The following LARP4B variants were observed in gnomAD, a reference collection of about 807,000 sequenced individuals.
The protein encoded by LARP4B is la-related protein 4B.
Under a neutral mutation model 89.8 loss-of-function variants are expected in LARP4B, and 12 were observed. The observed-to-expected ratio is 0.13, with a 90% CI of 0.09 to 0.22. LARP4B has a LOEUF of 0.22. LARP4B is among the 10% of genes least tolerant of loss of function. LARP4B has a pLI of 1.00. For synonymous variants in LARP4B, 367 were observed against 363.3 expected (o/e 1.01, Z -0.12); for missense variants, 757 against 947.7 (o/e 0.80, Z 2.64).
At chr10:847,077 C>G (rs977765218) in intron 5 of LARP4B, among the ~76,000 whole-genome samples, 1 of 151,956 alleles carries the variant, frequency 6.6e-6, no homozygotes, top group African/African-American at 2.4e-5. Flanking sequence ...GGACTGGACT[C>G]AAGAGGGAAT....
chr10:820,270 T>C (rs1301074292), intron 14 of LARP4B: 1 of 153,106 alleles, frequency 6.5e-6, no homozygotes, highest in Non-Finnish European at 1.5e-5. Flanking sequence ...CCATGTCTCA[T>C]GTACTTACCG....
chr10:848,164 A>C (rs552211558), intron 5 of LARP4B, among the ~76,000 whole-genome samples: 2 of 151,894 alleles, frequency 1.3e-5, no homozygotes, highest in South Asian at 4.2e-4. Flanking sequence ...GAAATGGTTA[A>C]CCCTCCCCAC....
At chr10:844,323 T>C (rs78581411) in intron 6 of LARP4B, among the ~76,000 whole-genome samples, 184 of 152,324 alleles carry the variant, frequency 1.2e-3, no homozygotes, top group African/African-American at 3.9e-3. Flanking sequence ...TGGAACAGCA[T>C]GGGCATGGGG....
chr10:877,603 G>A (rs1321109725), intron 3 of LARP4B, among the ~76,000 whole-genome samples: 1 of 152,134 alleles, frequency 6.6e-6, no homozygotes, highest in African/African-American at 2.4e-5. Flanking sequence ...ACCTCTTTGT[G>A]TCTCAGTTTC....
Position 813,142 on chromosome 10 carries a change from T to C in LARP4B, c.2001A>G (p.Gln667=). 1 of 1,614,034 alleles carries C rather than the reference T, an allele frequency of 6.2e-7. No individual in the cohort carries two copies. The highest frequency in any genetic ancestry group is 8.5e-7 in the Non-Finnish European group (1 of 1,180,006). ...TSKEPPSSPL[Q]PQKEQKPNTV... is the part of the protein sequence containing the mutation. ...TGTTTGGCTTTTGTTCTTTTTGGGG[T>C]TGCAATGGGGAAGAAGGAGGCTCTT... Residue 667 remains glutamine (Q), a synonymous_variant, in exon 18 of 18, where the codon CAA becomes CAG. Transcript: ENST00000316157.
the LARP4B span, among the ~76,000 whole-genome samples, chr10:941,916 T>C: frequency 6.6e-6 from 1 of 152,062 alleles, no homozygotes; most frequent in Non-Finnish European, 1.5e-5. Context: ...CCTGGGATTA[T>C]AGGCTCAAAC....
the LARP4B span, among the ~76,000 whole-genome samples, chr10:974,609 C>G: frequency 6.6e-6 from 1 of 152,210 alleles, no homozygotes; most frequent in Non-Finnish European, 1.5e-5. Context: ...ATCTGGAAAG[C>G]ACTGCTCTGA....
rs1416845913 is a variant in LARP4B at position 931,445 on chromosome 10, C to G, written c.-57G>C. On this transcript the variant is annotated 5_prime_UTR_variant, in exon 1 of 18. Coordinates refer to ENST00000316157, the MANE Select transcript of LARP4B (RefSeq NM_015155.3). Reference sequence around the variant, plus strand: ...TGCCTCACCTGTCAGCGCCGCCGCCCCGCCCGACCGGCCGCCCGCGGGCTC... The same window carrying G: ...TGCCTCACCTGTCAGCGCCGCCGCCGCGCCCGACCGGCCGCCCGCGGGCTC... 6.8e-6 allele frequency: 1 copy of G among 147,974 alleles called. No individual in the cohort carries two copies. Among genetic ancestry groups the G allele is most frequent in the East Asian group, 2.0e-4 (1 of 5,084 alleles). The allele number at this position is 147,974 out of a possible 1,614,324, so 9.2% of individuals were successfully genotyped here. A position where few individuals can be genotyped will look rare whatever the true frequency, so the allele number is the denominator to read the frequency against.
intron 1 of LARP4B, among the ~76,000 whole-genome samples, chr10:903,032 C>T (rs149079835): frequency 6.6e-6 from 1 of 152,290 alleles, no homozygotes; most frequent in East Asian, 1.9e-4. Context: ...TTCTAACCTC[C>T]ATTTTTCTGT....
At chr10:851,160 C>T (rs1834027875) in intron 5 of LARP4B, among the ~76,000 whole-genome samples, 2 of 147,704 alleles carry the variant, frequency 1.4e-5, no homozygotes, top group South Asian at 2.1e-4. Flanking sequence ...TGAGAAAAAT[C>T]GATAAAATGA....
chr10:858,866 A>G (rs1004752799), intron 5 of LARP4B, among the ~76,000 whole-genome samples: 1 of 152,224 alleles, frequency 6.6e-6, no homozygotes, highest in Non-Finnish European at 1.5e-5. Context: ...AAAATCAGAA[A>G]ATAGGCTGGG....
chr10:857,018 T>TA (rs1834339557), intron 5 of LARP4B, among the ~76,000 whole-genome samples: 1 of 151,950 alleles, frequency 6.6e-6, no homozygotes, highest in Non-Finnish European at 1.5e-5. Context: ...CCAGGCCTCT[T>TA]ATGGAAGGCG....
In LARP4B at chr10:810,522, T is replaced by C. The variant is rs544368251; in HGVS notation, c.*2404A>G. On this transcript the variant is annotated 3_prime_UTR_variant, in exon 18 of 18. Coordinates refer to ENST00000316157, the MANE Select transcript of LARP4B (RefSeq NM_015155.3). Reference sequence around the variant, plus strand: ...CCTCATGCAGCTGTTGAGCTCCCACTTCGGTCGACAAAGTGAAGGACTAAG... The same window carrying C: ...CCTCATGCAGCTGTTGAGCTCCCACCTCGGTCGACAAAGTGAAGGACTAAG... 1 of 152,352 alleles carries C rather than the reference T, an allele frequency of 6.6e-6. No individual in the cohort carries two copies. Among genetic ancestry groups the C allele is most frequent in the South Asian group, 2.1e-4 (1 of 4,818 alleles). The allele number at this position is 152,352 out of a possible 1,614,324, so 9.4% of individuals were successfully genotyped here. A position where few individuals can be genotyped will look rare whatever the true frequency, so the allele number is the denominator to read the frequency against.
chr10:817,604 G>T, intron 15 of LARP4B, 121 bp downstream of exon 15: 1 of 943,242 alleles, frequency 1.1e-6, no homozygotes. Flanking sequence ...CAATCACGTG[G>T]CCTCCAAGCC....
At chr10:874,170 G>A (rs150864753) in intron 3 of LARP4B, among the ~76,000 whole-genome samples, 1,742 of 152,212 alleles carry the variant, frequency 0.011, 33 homozygotes, top group African/African-American at 0.04. Flanking sequence ...GGTGGCAGAG[G>A]TTGCAGTGAG....
intron 7 of LARP4B, among the ~76,000 whole-genome samples, chr10:839,446 G>A (rs1016657507): frequency 1.3e-5 from 2 of 152,086 alleles, no homozygotes; most frequent in Non-Finnish European, 2.9e-5. Context: ...TCTAAAGAAA[G>A]GACTCAATTG....
intron 3 of LARP4B, among the ~76,000 whole-genome samples, chr10:876,228 C>G (rs1400630385): frequency 6.6e-6 from 1 of 152,004 alleles, no homozygotes; most frequent in African/African-American, 2.4e-5. Flanking sequence ...TCTACTAATA[C>G]AAAAAATTAG....
At chr10:820,641 C>T in intron 14 of LARP4B, 159 bp downstream of exon 14, 1 of 668,586 alleles carries the variant, frequency 1.5e-6, no homozygotes, top group Non-Finnish European at 2.5e-6. Context: ...TCCTCCTAGG[C>T]CAGCCAGGGT....
intron 12 of LARP4B, 23 bp downstream of exon 12, chr10:825,741 G>T (rs779451897): frequency 2.6e-6 from 4 of 1,562,572 alleles, no homozygotes; most frequent in Non-Finnish European, 3.5e-6. Context: ...GACCAAAACT[G>T]CTAAGACCGC....
Sources: allele counts gnomAD v4.1 joint callset (sites outside exome capture counted in the v4.1 genomes callset), GRCh38; gene constraint gnomAD v4.1.1; transcripts MANE v1.5; gene names NCBI Gene and HGNC (gene_info 2026-07-23, HGNC 2026-07-21).